The following DDX46 variants were observed in gnomAD, a reference collection of about 807,000 sequenced individuals.
The protein encoded by DDX46 is DEAD-box helicase 46.
A neutral mutation model predicts 134.9 loss-of-function variants in DDX46; 30 were observed. The ratio of observed to expected loss-of-function variants is 0.22; its 90% CI spans 0.17 to 0.30. The LOEUF (loss-of-function observed/expected upper bound fraction) is 0.30, where lower values mean the gene tolerates loss of function less well. Among genes scored for constraint, DDX46 ranks in the 10% least tolerant of loss-of-function variants. The pLI, the probability that DDX46 is intolerant of heterozygous loss-of-function variation, is 1.00. For synonymous variants in DDX46, 415 were observed against 404.1 expected (o/e 1.03, Z -0.32); for missense variants, 622 against 1,248.7 (o/e 0.50, Z 7.56).
Position 134,804,734 on chromosome 5 carries a change from T to C in DDX46, c.1955-3014T>C, listed in dbSNP as rs553143620. 22 of 261,026 alleles carry C rather than the reference T, an allele frequency of 8.4e-5. No homozygotes were observed. The South Asian group carries it at 9.0e-4, about 11-fold the overall frequency. The allele number at this position is 261,026 out of a possible 1,614,324, so 16.2% of individuals were successfully genotyped here. On this transcript the variant is annotated intron_variant, in intron 15 of 22. Coordinates refer to ENST00000452510, the MANE Select transcript of DDX46 (RefSeq NM_001300860.2). ...TTTTATTTTAACGTGTCATTGCTAT[T>C]TTTTTTAGTCTTTTAATTTTTATTC...
Position 134,777,593 on chromosome 5 carries a change from A to G in DDX46, c.633A>G (p.Ala211=), listed in dbSNP as rs368834606. 3.5e-4 allele frequency: 564 copies of G among 1,613,232 alleles called. 10 individuals carry two copies. The South Asian group carries it at 5.8e-3, about 17-fold the overall frequency. ...TTTTAGATGACGAAGATGATCCTGC[A>G]GAAGCTGAAAAGGAGGGAAATGAAA... ...EDDDDDEDDP[A]EAEKEGNEME... The change falls in exon 6 of 23, where the codon GCA becomes GCG. Residue 211 remains alanine (A), a synonymous_variant. Coordinates refer to ENST00000452510, the MANE Select transcript of DDX46 (RefSeq NM_001300860.2).
At chr5:134,824,861 A>G (rs1444616689) in intron 21 of DDX46, among the ~76,000 whole-genome samples, 1 of 152,194 alleles carries the variant, frequency 6.6e-6, no homozygotes, top group Non-Finnish European at 1.5e-5. Context: ...CAGCAGCTCC[A>G]GGCCTCCCAC....
intron 15 of DDX46, among the ~76,000 whole-genome samples, chr5:134,807,365 C>A (rs896677521): frequency 6.6e-6 from 1 of 152,038 alleles, no homozygotes; most frequent in African/African-American, 2.4e-5. Flanking sequence ...CTGCTCTGGT[C>A]CTTGGACAAA....
At chr5:134,807,121 T>C (rs1007817678) in intron 15 of DDX46, among the ~76,000 whole-genome samples, 1 of 150,148 alleles carries the variant, frequency 6.7e-6, no homozygotes, top group Non-Finnish European at 1.5e-5. Context: ...TGGCGCAATC[T>C]CGGCTCACGG....
intron 5 of DDX46, 109 bp downstream of exon 5, chr5:134,773,970 T>C: frequency 8.9e-7 from 1 of 1,126,010 alleles, no homozygotes; most frequent in South Asian, 2.3e-5. Context: ...CTATGCATAA[T>C]ATGCTGTTTA....
At chr5:134,780,572 A>C (rs1039906699) in intron 6 of DDX46, among the ~76,000 whole-genome samples, 13 of 145,216 alleles carry the variant, frequency 9.0e-5, no homozygotes, top group African/African-American at 3.4e-4. Flanking sequence ...CTCAATAAAT[A>C]AATAAATAAA....
In DDX46 at chr5:134,767,099, G is replaced by A. The variant is rs746357929; in HGVS notation, c.350+39G>A. 8.4e-6 allele frequency: 13 copies of A among 1,556,068 alleles called. No individual in the cohort carries two copies. The East Asian group carries it at 3.0e-4, about 36-fold the overall frequency. On this transcript the variant is annotated intron_variant, in intron 3 of 22. Transcript: ENST00000452510. The stretch of plus-strand genomic sequence containing the variant: ...TGGGCTGCATCTATAGTGCAGACTG[G>A]GGACTGCTTCCCTTCTCTGCGCCTT...
At chr5:134,790,692 A>G in intron 13 of DDX46, 140 bp downstream of exon 13, 1 of 656,548 alleles carries the variant, frequency 1.5e-6, no homozygotes, top group Non-Finnish European at 2.5e-6. Context: ...GGGGACATAC[A>G]GTATTGAAGT....
chr5:134,784,700 C>A, intron 10 of DDX46, 159 bp downstream of exon 10: 1 of 657,616 alleles, frequency 1.5e-6, no homozygotes, highest in African/African-American at 1.9e-5. Flanking sequence ...CCCTTACCAG[C>A]AGGTGGAGTG....
intron 4 of DDX46, among the ~76,000 whole-genome samples, chr5:134,772,519 G>GA (rs1357393733): frequency 8.7e-5 from 13 of 149,244 alleles, no homozygotes; most frequent in East Asian, 7.8e-4. Flanking sequence ...ACTCTGTCTG[G>GA]AAAAAAAAAA....
At chr5:134,766,540 G>A (rs1402475930) in intron 2 of DDX46, among the ~76,000 whole-genome samples, 2 of 147,906 alleles carry the variant, frequency 1.4e-5, no homozygotes, top group Non-Finnish European at 3.0e-5. Flanking sequence ...GGCAACAAGA[G>A]CAAAACTCTG....
intron 2 of DDX46, among the ~76,000 whole-genome samples, chr5:134,764,586 A>G (rs1401502202): frequency 6.6e-6 from 1 of 152,090 alleles, no homozygotes; most frequent in Non-Finnish European, 1.5e-5. Context: ...TCCGACCATC[A>G]AACAGTGTTT....
At position 134,785,449 on chromosome 5, in the gene DDX46, G is replaced by C. The variant is rs753672098; in HGVS notation, c.1343-16G>C. 1 of 1,610,504 alleles carries C rather than the reference G, an allele frequency of 6.2e-7. No homozygotes were observed. The highest frequency in any genetic ancestry group is 1.1e-5 in the South Asian group (1 of 90,290). Reference sequence around the variant, plus strand: ...GAATTTTGGTGGTTAGGCTACTGATGTATTTATCTTTCCAGCTGTCATCAT... The same window carrying C: ...GAATTTTGGTGGTTAGGCTACTGATCTATTTATCTTTCCAGCTGTCATCAT... On this transcript the variant is annotated splice_polypyrimidine_tract_variant and intron_variant, in intron 10 of 22. Transcript: ENST00000452510.
intron 2 of DDX46, among the ~76,000 whole-genome samples, chr5:134,764,503 G>A (rs1016794193): frequency 1.3e-5 from 2 of 151,942 alleles, no homozygotes; most frequent in African/African-American, 4.8e-5. Context: ...GGCTGCTCTC[G>A]ATCTCCTGGC....
intron 15 of DDX46, among the ~76,000 whole-genome samples, chr5:134,800,780 A>T (rs915858596): frequency 5.9e-5 from 9 of 152,100 alleles, no homozygotes; most frequent in African/African-American, 2.2e-4. Flanking sequence ...GGTTCAAGCG[A>T]TTCTCCTGCC....
intron 21 of DDX46, among the ~76,000 whole-genome samples, chr5:134,825,445 C>G (rs761680082): frequency 1.3e-5 from 2 of 152,142 alleles, no homozygotes; most frequent in Non-Finnish European, 2.9e-5. Context: ...GTTTCTGTCT[C>G]TCTTTCTAGC....
At chr5:134,819,253 C>A (rs889980763) in intron 21 of DDX46, among the ~76,000 whole-genome samples, 1 of 152,296 alleles carries the variant, frequency 6.6e-6, no homozygotes, top group African/African-American at 2.4e-5. Context: ...AGAAAACTTA[C>A]ATTTTAAGGA....
At chr5:134,801,446 A>G (rs921756435) in intron 15 of DDX46, among the ~76,000 whole-genome samples, 10 of 151,964 alleles carry the variant, frequency 6.6e-5, no homozygotes, top group Admixed American at 2.0e-4. Flanking sequence ...AGGCTGGAGT[A>G]CAGTGGCACT....
chr5:134,783,183 CTT>C (rs1333887192), intron 9 of DDX46, 118 bp downstream of exon 9: 68 of 1,344,404 alleles, frequency 5.1e-5, no homozygotes, highest in Non-Finnish European at 6.5e-5. Context: ...TTTTAAAAAA[CTT>C]TCATTGAGAT....
Sources: gnomAD v4.1 joint callset for allele counts (sites outside exome capture counted in the v4.1 genomes callset) on GRCh38, gnomAD v4.1.1 for gene constraint, MANE v1.5 for transcripts, NCBI Gene and HGNC (gene_info 2026-07-23, HGNC 2026-07-21) for gene names.